Variants in GALNT7 observed in about 807,000 individuals in gnomAD.
GALNT7 encodes N-acetylgalactosaminyltransferase 7.
In GALNT7, 60 loss-of-function variants were observed where a neutral mutation model predicts 82.1. The observed-to-expected ratio is 0.73, with a 90% CI of 0.59 to 0.91. The LOEUF is 0.91. GALNT7 is among the 40% of genes least tolerant of loss of function. The pLI is 0.00. For missense variants in GALNT7, 660 were observed against 804.2 expected, an observed-to-expected ratio of 0.82 and a Z score of 2.17; for synonymous variants, 243 against 275.1, an observed-to-expected ratio of 0.88 and a Z score of 1.15.
chr4:173,270,121 T>A (rs1735669898), intron 2 of GALNT7, among the ~76,000 whole-genome samples: 1 of 152,220 alleles, frequency 6.6e-6, no homozygotes, highest in South Asian at 2.1e-4. Context: ...TATAGCGCAA[T>A]TATTATTGGC....
chr4:173,212,500 T>C (rs752229362), intron 1 of GALNT7, among the ~76,000 whole-genome samples: 1 of 152,182 alleles, frequency 6.6e-6, no homozygotes, highest in Non-Finnish European at 1.5e-5. Flanking sequence ...TTAGATTATC[T>C]AGACTAACTG....
At position 173,318,586 on chromosome 4, in the gene GALNT7, A is replaced by G. The variant is rs376122794; in HGVS notation, c.1836+27A>G. On this transcript the variant is annotated intron_variant, in intron 11 of 11. Transcript: ENST00000265000. ...TATTCTGCATTTTAACTTCTGAAAT[A>G]TTATATGCTTTTCATTTTCAGTAAC... 6.5e-6 allele frequency: 9 copies of G among 1,394,572 alleles called. No individual in the cohort carries two copies. The African/African-American group carries it at 1.3e-4, about 20-fold the overall frequency. The allele number at this position is 1,394,572 out of a possible 1,614,324, so 86.4% of individuals were successfully genotyped here.
Position 173,258,053 on chromosome 4 carries a change from AAGG to A in GALNT7, c.587+9618_587+9620del, listed in dbSNP as rs145905981. Among the ~76,000 whole-genome samples, 1,197 of 152,336 alleles carry A rather than the reference AAGG, an allele frequency of 7.9e-3. 13 individuals carry two copies. The highest frequency in any genetic ancestry group is 0.027 in the African/African-American group (1,103 of 41,574). The stretch of plus-strand genomic sequence containing the variant: ...AGATTGAGTTGGGGAAGGGGTATTA[AAGG>A]AGGACAGAGAAACTCTCTTGAAAGC... On this transcript the variant is annotated intron_variant, in intron 2 of 11. Transcript: ENST00000265000.
intron 2 of GALNT7, among the ~76,000 whole-genome samples, chr4:173,287,000 G>A (rs1736346016): frequency 6.6e-6 from 1 of 152,184 alleles, no homozygotes; most frequent in Non-Finnish European, 1.5e-5. Flanking sequence ...GGGGACAGAG[G>A]AGAGTGTTAT....
intron 2 of GALNT7, among the ~76,000 whole-genome samples, chr4:173,288,088 C>T (rs1736395000): frequency 1.3e-5 from 2 of 151,634 alleles, no homozygotes; most frequent in South Asian, 4.2e-4. Context: ...TCGAGACCAT[C>T]CTGGCTAACA....
intron 1 of GALNT7, among the ~76,000 whole-genome samples, chr4:173,181,819 C>T (rs1579883883): frequency 6.6e-6 from 1 of 152,254 alleles, no homozygotes; most frequent in African/African-American, 2.4e-5. Flanking sequence ...TTATTTTTCC[C>T]AGTGTCCTAT....
chr4:173,191,227 T>TG (rs147983325), intron 1 of GALNT7, among the ~76,000 whole-genome samples: 5,797 of 148,422 alleles, frequency 0.039, 247 homozygotes, highest in African/African-American at 0.11. Context: ...GGGGATGGGA[T>TG]GGGGGGGGTA....
chr4:173,218,762 ATTC>A (rs910422514), intron 1 of GALNT7, among the ~76,000 whole-genome samples: 5 of 152,186 alleles, frequency 3.3e-5, no homozygotes, highest in Admixed American at 1.3e-4. Context: ...AAGCACATGT[ATTC>A]TTTTAAATTT....
At chr4:173,242,208 GA>G (rs1044037134) in intron 1 of GALNT7, among the ~76,000 whole-genome samples, 3 of 152,160 alleles carry the variant, frequency 2.0e-5, no homozygotes, top group African/African-American at 4.8e-5. Flanking sequence ...TAAAGAAAGG[GA>G]AAAAAAAGAT....
At chr4:173,177,935 CTT>C in intron 1 of GALNT7, among the ~76,000 whole-genome samples, 1 of 151,912 alleles carries the variant, frequency 6.6e-6, no homozygotes, top group East Asian at 1.9e-4. Context: ...CAAAGAGGAA[CTT>C]AACCCATTTT....
At chr4:173,217,715 T>G (rs1733515312) in intron 1 of GALNT7, among the ~76,000 whole-genome samples, 1 of 152,236 alleles carries the variant, frequency 6.6e-6, no homozygotes, top group Non-Finnish European at 1.5e-5. Flanking sequence ...CATACCCACA[T>G]TTAGCCATAT....
intron 2 of GALNT7, among the ~76,000 whole-genome samples, chr4:173,288,245 T>G (rs1257836210): frequency 1.6e-5 from 2 of 125,814 alleles, no homozygotes; most frequent in Non-Finnish European, 3.1e-5. Flanking sequence ...ATCGCGCCAC[T>G]GCACTCCAGC....
At chr4:173,256,998 A>G (rs1735061074) in intron 2 of GALNT7, among the ~76,000 whole-genome samples, 1 of 152,238 alleles carries the variant, frequency 6.6e-6, no homozygotes, top group Non-Finnish European at 1.5e-5. Context: ...GTTTAGAGCC[A>G]GGACTCAATT....
At chr4:173,314,850 A>G (rs1242165147) in intron 9 of GALNT7, among the ~76,000 whole-genome samples, 1 of 152,182 alleles carries the variant, frequency 6.6e-6, no homozygotes, top group Admixed American at 6.5e-5. Flanking sequence ...ACCTGCCATG[A>G]ACGTTCAAGT....
intron 1 of GALNT7, among the ~76,000 whole-genome samples, chr4:173,222,072 A>G (rs1463344194): frequency 6.6e-6 from 1 of 152,182 alleles, no homozygotes; most frequent in African/African-American, 2.4e-5. Flanking sequence ...CCCCTGCCTC[A>G]TGATAGAACT....
At position 173,292,014 on chromosome 4, in the gene GALNT7, G is replaced by A; in HGVS notation, c.588-94G>A. ...TTCATTCACTTACCGTAGTTAAGTC[G>A]ATAGTATGTAATCCAATCAGCAAAT... On this transcript the variant is annotated intron_variant, in intron 2 of 11. Transcript: ENST00000265000. This position sits in a 1 kb window ranked among gnomAD's most constrained non-coding sequence, Gnocchi z 4.8. 6 of 735,216 alleles carry A rather than the reference G, an allele frequency of 8.2e-6. No individual in the cohort carries two copies. The highest frequency in any genetic ancestry group is 2.8e-4 in the Middle Eastern group (1 of 3,600). 45.5% of individuals were successfully genotyped at this position (735,216 alleles called of 1,614,324 possible). A position where few individuals can be genotyped will look rare whatever the true frequency, so the allele number is the denominator to read the frequency against.
Position 173,302,972 on chromosome 4 carries a change from G to A in GALNT7, c.1266+808G>A, listed in dbSNP as rs758700604. 2.0e-4 allele frequency among the ~76,000 whole-genome samples: 30 copies of A among 152,180 alleles called. No homozygotes were observed. The highest frequency in any genetic ancestry group is 3.5e-4 in the Non-Finnish European group (24 of 68,028). On this transcript the variant is annotated intron_variant, in intron 7 of 11. Transcript: ENST00000265000. The surrounding 1 kb of genome is among the most constrained non-coding windows in gnomAD (Gnocchi z 4.2). ...ATCACTTTGGGAGGCCAACATGGGCGGATCATGAGGTCAAGAGATCGAGAC... is the reference window on the plus strand; with the variant it reads ...ATCACTTTGGGAGGCCAACATGGGCAGATCATGAGGTCAAGAGATCGAGAC...
intron 1 of GALNT7, among the ~76,000 whole-genome samples, chr4:173,238,219 CT>C (rs1233974512): frequency 1.3e-5 from 2 of 151,970 alleles, no homozygotes; most frequent in African/African-American, 4.8e-5. Flanking sequence ...TTTCTCTTCA[CT>C]TTCCCAATAC....
At chr4:173,228,728 C>T (rs184453999) in intron 1 of GALNT7, among the ~76,000 whole-genome samples, 6 of 152,148 alleles carry the variant, frequency 3.9e-5, no homozygotes, top group East Asian at 1.9e-4. Context: ...TTTTTTTCCC[C>T]GCCTAGGAGG....
Sources: allele counts gnomAD v4.1 joint callset (sites outside exome capture counted in the v4.1 genomes callset), GRCh38; gene constraint gnomAD v4.1.1; non-coding constraint Gnocchi (gnomAD v3.1); transcripts MANE v1.5; gene names NCBI Gene and HGNC (gene_info 2026-07-23, HGNC 2026-07-21).